The following TMED3 variants were observed in gnomAD, a reference collection of about 807,000 sequenced individuals.
TMED3 encodes transmembrane p24 trafficking protein 3, also known as transmembrane emp24 domain-containing protein 3.
A neutral mutation model predicts 15.0 loss-of-function variants in TMED3; 9 were observed. That is an observed-to-expected ratio of 0.60 (90% CI 0.36 to 1.04). TMED3 has a LOEUF of 1.04. Among genes scored for constraint, TMED3 ranks in the 50% least tolerant of loss-of-function variants. The pLI is 0.01. For synonymous variants in TMED3, 117 were observed against 121.4 expected, an observed-to-expected ratio of 0.96 and a Z score of 0.24; for missense variants, 267 against 278.9, an observed-to-expected ratio of 0.96 and a Z score of 0.30.
At chr15:79,390,368 TTC>T (rs1457996987) in intron 2 of TMED3, among the ~76,000 whole-genome samples, 1 of 152,234 alleles carries the variant, frequency 6.6e-6, no homozygotes, top group Non-Finnish European at 1.5e-5. Context: ...TTGTTTTTAA[TTC>T]TGTTTATCTG....
At chr15:79,358,161 A>G (rs1355866704) in intron 2 of TMED3, among the ~76,000 whole-genome samples, 1 of 152,172 alleles carries the variant, frequency 6.6e-6, no homozygotes, top group Non-Finnish European at 1.5e-5. Context: ...CAGAGGCCCA[A>G]GGCACTGGAT....
chr15:79,378,357 A>G (rs1297218385), intron 2 of TMED3, among the ~76,000 whole-genome samples: 3 of 152,220 alleles, frequency 2.0e-5, no homozygotes, highest in African/African-American at 7.2e-5. Flanking sequence ...CCCATTTTCC[A>G]GTCTTAGGTG....
At chr15:79,377,270 ATGTGTGTGTG>A (rs56891639) in intron 2 of TMED3, among the ~76,000 whole-genome samples, 1 of 145,486 alleles carries the variant, frequency 6.9e-6, no homozygotes, top group Non-Finnish European at 1.5e-5. Context: ...GAGTGTGTGC[ATGTGTGTGTG>A]TGTGTGTGTG....
chr15:79,401,210 T>C (rs1022962961), intron 2 of TMED3, among the ~76,000 whole-genome samples: 4 of 152,218 alleles, frequency 2.6e-5, no homozygotes. Context: ...GCATGTATGA[T>C]TGAATGAATG....
intron 2 of TMED3, among the ~76,000 whole-genome samples, chr15:79,348,553 A>G (rs1167843618): frequency 6.6e-6 from 1 of 152,234 alleles, no homozygotes; most frequent in Non-Finnish European, 1.5e-5. Flanking sequence ...AAAATTAGAT[A>G]GTGCTCTGTG....
At chr15:79,404,762 GTGA>G (rs1893880747) in intron 2 of TMED3, among the ~76,000 whole-genome samples, 1 of 152,180 alleles carries the variant, frequency 6.6e-6, no homozygotes, top group Non-Finnish European at 1.5e-5. Context: ...ACCATTTAGG[GTGA>G]TGAGCTCTGC....
chr15:79,369,027 C>T (rs1331202827), intron 2 of TMED3, among the ~76,000 whole-genome samples: 2 of 150,050 alleles, frequency 1.3e-5, no homozygotes, highest in East Asian at 3.9e-4. Context: ...CCTCGGAGGT[C>T]AGGTTGCAGT....
intron 2 of TMED3, among the ~76,000 whole-genome samples, chr15:79,408,828 A>G (rs1325062147): frequency 3.3e-5 from 5 of 152,210 alleles, no homozygotes; most frequent in Admixed American, 1.3e-4. Flanking sequence ...CACATGAAGT[A>G]TTTTAAAGGT....
chr15:79,349,571 C>T (rs2058884408), intron 2 of TMED3, among the ~76,000 whole-genome samples: 1 of 152,106 alleles, frequency 6.6e-6, no homozygotes, highest in South Asian at 2.1e-4. Flanking sequence ...AAAAACCTAC[C>T]ACTACTGCCA....
chr15:79,385,684 A>T (rs1334145650), intron 2 of TMED3, among the ~76,000 whole-genome samples: 1 of 152,158 alleles, frequency 6.6e-6, no homozygotes, highest in Non-Finnish European at 1.5e-5. Flanking sequence ...GAGCACAGGT[A>T]GGCTCAGATC....
chr15:79,413,117 G>A (rs1278349625), exon 3 of TMED3: 1 of 152,192 alleles, frequency 6.6e-6, no homozygotes, highest in Non-Finnish European at 1.5e-5. Context: ...CTGCAAACAT[G>A]AGAAAGACCC....
chr15:79,357,608 A>T (rs2058924610), intron 2 of TMED3, among the ~76,000 whole-genome samples: 1 of 150,640 alleles, frequency 6.6e-6, no homozygotes, highest in African/African-American at 2.4e-5. Context: ...CTGTGAATGT[A>T]GGCTCATCTC....
At chr15:79,411,312 A>G in intron 2 of TMED3, 2 of 670,658 alleles carry the variant, frequency 3.0e-6, no homozygotes, top group South Asian at 3.2e-5. Flanking sequence ...CAACAGAACT[A>G]GAGAATGCAA....
At chr15:79,337,959 A>C (rs1214900804) in intron 2 of TMED3, among the ~76,000 whole-genome samples, 1 of 152,246 alleles carries the variant, frequency 6.6e-6, no homozygotes. Context: ...ACTTTATAAC[A>C]GTTGGAAATG....
chr15:79,322,200 G>A lies in TMED3; in HGVS notation c.640G>A (p.Ala214Thr). 5 of 1,613,678 alleles carry A rather than the reference G, an allele frequency of 3.1e-6. No homozygotes were observed. The highest frequency in any genetic ancestry group is 4.2e-6 in the Non-Finnish European group (5 of 1,179,780). Reference protein sequence around the residue: ...FFTEKRPISRAVHS With the variant: ...FFTEKRPISRTVHS ...CACAGAAAAACGACCCATCAGCAGGGCAGTCCACTCCTAGCCCCGGCATCC... is the reference window on the plus strand; with the variant it reads ...CACAGAAAAACGACCCATCAGCAGGACAGTCCACTCCTAGCCCCGGCATCC... The change falls in exon 3 of 3, where the codon GCA becomes ACA. Residue 214 changes from alanine (A) to threonine (T), a missense_variant. By Grantham distance (58) the Ala-to-Thr change is moderately conservative. Transcript: ENST00000299705.
intron 2 of TMED3, among the ~76,000 whole-genome samples, chr15:79,407,824 A>G (rs576437407): frequency 1.3e-5 from 2 of 152,172 alleles, no homozygotes; most frequent in Non-Finnish European, 2.9e-5. Flanking sequence ...GCCAATGGGT[A>G]GTGGTCCATT....
intron 2 of TMED3, among the ~76,000 whole-genome samples, chr15:79,380,515 T>TTA (rs1893509278): frequency 6.8e-6 from 1 of 147,052 alleles, no homozygotes; most frequent in African/African-American, 2.5e-5. Flanking sequence ...ATATATATAG[T>TTA]TATATATAGT....
intron 2 of TMED3, among the ~76,000 whole-genome samples, chr15:79,345,526 A>G (rs2058867528): frequency 6.6e-6 from 1 of 152,054 alleles, no homozygotes; most frequent in South Asian, 2.1e-4. Flanking sequence ...TATGTACCAC[A>G]TTTTCTTTAT....
chr15:79,395,336 C>T (rs961437172), intron 2 of TMED3, among the ~76,000 whole-genome samples: 19 of 152,126 alleles, frequency 1.2e-4, no homozygotes, highest in African/African-American at 4.1e-4. Context: ...CTCACCACCA[C>T]GCCTGGCTAA....
Sources: allele counts gnomAD v4.1 joint callset (sites outside exome capture counted in the v4.1 genomes callset), GRCh38; gene constraint gnomAD v4.1.1; transcripts MANE v1.5; gene names NCBI Gene and HGNC (gene_info 2026-07-23, HGNC 2026-07-21).